Variants in PHLDB2 observed in about 807,000 individuals in gnomAD.
PHLDB2 encodes pleckstrin homology-like domain family B member 2.
A neutral mutation model predicts 123.6 loss-of-function variants in PHLDB2; 71 were observed. The ratio of observed to expected loss-of-function variants is 0.57; its 90% CI spans 0.47 to 0.70. PHLDB2 has a LOEUF of 0.70. PHLDB2 is among the 30% of genes least tolerant of loss of function. PHLDB2 has a pLI of 0.00. For synonymous variants in PHLDB2, 547 were observed against 541.6 expected (o/e 1.01, Z -0.14); for missense variants, 1,446 against 1,519.5 (o/e 0.95, Z 0.80).
rs183951913 is a variant in PHLDB2 at position 111,740,480 on chromosome 3, G to A, written c.-49+7777G>A. The stretch of plus-strand genomic sequence containing the variant: ...AGTAAGAACACACTGATTTCTTGGC[G>A]GAGTCTTCAAGTGACTTTCTGCTTT... On this transcript the variant is annotated intron_variant, in intron 1 of 17. Transcript: ENST00000393923. 2.5e-3 allele frequency among the ~76,000 whole-genome samples: 385 copies of A among 152,216 alleles called. 1 individual carries two copies. Among genetic ancestry groups the A allele is most frequent in the Admixed American group, 4.7e-3 (72 of 15,284 alleles).
chr3:111,815,036 A>G (rs2062012334), intron 1 of PHLDB2, among the ~76,000 whole-genome samples: 1 of 152,138 alleles, frequency 6.6e-6, no homozygotes, highest in Non-Finnish European at 1.5e-5. Context: ...GGTGGTTTTA[A>G]AAATGGGAGT....
intron 1 of PHLDB2, among the ~76,000 whole-genome samples, chr3:111,736,738 G>A (rs534455100): frequency 6.6e-6 from 1 of 152,302 alleles, no homozygotes; most frequent in East Asian, 1.9e-4. Context: ...TGTCAGGTCA[G>A]TGTGGTAATG....
At chr3:111,804,956 A>G (rs1422975092) in intron 1 of PHLDB2, among the ~76,000 whole-genome samples, 1 of 151,994 alleles carries the variant, frequency 6.6e-6, no homozygotes, top group Non-Finnish European at 1.5e-5. Context: ...AAAATAAAAT[A>G]ATAGAACAAT....
chr3:111,809,504 T>C (rs2061736501), intron 1 of PHLDB2, among the ~76,000 whole-genome samples: 2 of 152,202 alleles, frequency 1.3e-5, no homozygotes, highest in African/African-American at 4.8e-5. Flanking sequence ...TCCTCTTCTT[T>C]TCTCCACAAA....
At chr3:111,882,673 C>T (rs2065988329) in intron 1 of PHLDB2, among the ~76,000 whole-genome samples, 1 of 152,142 alleles carries the variant, frequency 6.6e-6, no homozygotes, top group African/African-American at 2.4e-5. Context: ...GGGTACCTGG[C>T]CCATCACCAG....
At chr3:111,737,520 G>A (rs1265581969) in intron 1 of PHLDB2, among the ~76,000 whole-genome samples, 1 of 152,148 alleles carries the variant, frequency 6.6e-6, no homozygotes, top group African/African-American at 2.4e-5. Flanking sequence ...GAGCAGTAAA[G>A]GAACTGAAGG....
intron 17 of PHLDB2, 23 bp from the exon 18 acceptor site, chr3:111,974,398 TTC>T: frequency 1.3e-6 from 2 of 1,562,412 alleles, no homozygotes; most frequent in Non-Finnish European, 1.7e-6. Context: ...TTATTTTACA[TTC>T]TTTTTCCTTT....
intron 2 of PHLDB2, among the ~76,000 whole-genome samples, chr3:111,907,401 G>A (rs1280780709): frequency 6.6e-6 from 1 of 152,174 alleles, no homozygotes; most frequent in East Asian, 1.9e-4. Flanking sequence ...GTCAGAAAGT[G>A]TTACTCTACC....
At chr3:111,836,326 G>A (rs555525781) in intron 1 of PHLDB2, among the ~76,000 whole-genome samples, 1 of 152,260 alleles carries the variant, frequency 6.6e-6, no homozygotes, top group South Asian at 2.1e-4. Flanking sequence ...CATGGTAAGT[G>A]CTCACAGTTG....
intron 1 of PHLDB2, among the ~76,000 whole-genome samples, chr3:111,782,189 G>C (rs1395596039): frequency 6.6e-6 from 1 of 152,060 alleles, no homozygotes; most frequent in African/African-American, 2.4e-5. Context: ...ATCTAGAGAT[G>C]GGTAATGACT....
At chr3:111,749,315 G>T (rs1448015779) in intron 1 of PHLDB2, among the ~76,000 whole-genome samples, 1 of 151,800 alleles carries the variant, frequency 6.6e-6, no homozygotes, top group African/African-American at 2.4e-5. Context: ...TGGTAAATTG[G>T]TACCAAAAAA....
chr3:111,966,965 G>T (rs1300537136), intron 14 of PHLDB2, among the ~76,000 whole-genome samples: 1 of 146,782 alleles, frequency 6.8e-6, no homozygotes, highest in Non-Finnish European at 1.5e-5. Flanking sequence ...TTTTTTGTGT[G>T]TGTTTTTTTT....
chr3:111,950,320 G>A (rs1365547038), intron 10 of PHLDB2, among the ~76,000 whole-genome samples: 1 of 152,154 alleles, frequency 6.6e-6, no homozygotes, highest in East Asian at 1.9e-4. Context: ...TTTGTTAAAC[G>A]TTTTACTCCC....
At chr3:111,903,923 G>A (rs1213764990) in intron 2 of PHLDB2, among the ~76,000 whole-genome samples, 1 of 152,056 alleles carries the variant, frequency 6.6e-6, no homozygotes, top group Non-Finnish European at 1.5e-5. Context: ...GGTCTGATAA[G>A]TGCCAGAACT....
intron 1 of PHLDB2, among the ~76,000 whole-genome samples, chr3:111,763,283 C>T (rs1282688132): frequency 6.6e-6 from 1 of 152,180 alleles, no homozygotes; most frequent in Non-Finnish European, 1.5e-5. Context: ...ATTTCTATGA[C>T]AAGTTACTCT....
intron 1 of PHLDB2, among the ~76,000 whole-genome samples, chr3:111,810,689 C>T (rs1303232915): frequency 3.3e-5 from 5 of 152,040 alleles, no homozygotes; most frequent in African/African-American, 1.2e-4. Flanking sequence ...GACGCTATTC[C>T]GTCCATAGCA....
chr3:111,889,129 T>G (rs975084716), intron 2 of PHLDB2, among the ~76,000 whole-genome samples: 1 of 152,214 alleles, frequency 6.6e-6, no homozygotes, highest in Non-Finnish European at 1.5e-5. Flanking sequence ...GCTTATGTTT[T>G]TAGCAAACTA....
intron 2 of PHLDB2, among the ~76,000 whole-genome samples, chr3:111,905,550 T>C (rs1175504733): frequency 1.3e-5 from 2 of 152,032 alleles, no homozygotes; most frequent in Non-Finnish European, 2.9e-5. Context: ...AGAGACAGGG[T>C]TTCACCATGT....
intron 1 of PHLDB2, among the ~76,000 whole-genome samples, chr3:111,794,985 C>G (rs982629107): frequency 1.3e-5 from 2 of 152,204 alleles, no homozygotes; most frequent in Non-Finnish European, 2.9e-5. Flanking sequence ...ACTCCAGGAG[C>G]ATTGTCTCAA....
Sources: gnomAD v4.1 joint callset for allele counts (sites outside exome capture counted in the v4.1 genomes callset) on GRCh38, gnomAD v4.1.1 for gene constraint, MANE v1.5 for transcripts, NCBI Gene and HGNC (gene_info 2026-07-23, HGNC 2026-07-21) for gene names.